The following PPP3R1 variants were observed in gnomAD, a reference collection of about 807,000 sequenced individuals.
PPP3R1 encodes the protein protein phosphatase 3 regulatory subunit B, alpha.
A neutral mutation model predicts 22.6 loss-of-function variants in PPP3R1; 5 were observed. That is an observed-to-expected ratio of 0.22 (90% CI 0.12 to 0.46). The LOEUF (loss-of-function observed/expected upper bound fraction) is 0.46. PPP3R1 is among the 20% of genes least tolerant of loss of function. The pLI is 0.99. For synonymous variants in PPP3R1, 56 were observed against 65.2 expected, an observed-to-expected ratio of 0.86 and a Z score of 0.68; for missense variants, 61 against 203.2, an observed-to-expected ratio of 0.30 and a Z score of 4.25.
In PPP3R1 at chr2:68,198,361, GTACATATA is replaced by G. The variant is rs1472161981; in HGVS notation, c.44-9679_44-9672del. On this transcript the variant is annotated intron_variant, in intron 2 of 5. Coordinates refer to ENST00000234310, the MANE Select transcript of PPP3R1 (RefSeq NM_000945.4). ...TATGTACATGTATATGCATATATAT[GTACATATA>G]TGTACATGTATATGCATATATATGT... Among the ~76,000 whole-genome samples, 4 of 96,080 alleles carry G rather than the reference GTACATATA, an allele frequency of 4.2e-5. No individual in the cohort carries two copies. The South Asian group carries it at 8.4e-4, about 20-fold the overall frequency. 63.0% of individuals were successfully genotyped at this position (96,080 alleles called of 152,430 possible). A position where few individuals can be genotyped will look rare whatever the true frequency, so the allele number is the denominator to read the frequency against.
At chr2:68,198,215 T>C (rs898277152) in intron 2 of PPP3R1, among the ~76,000 whole-genome samples, 2 of 135,232 alleles carry the variant, frequency 1.5e-5, no homozygotes, top group Non-Finnish European at 1.6e-5. Flanking sequence ...TGCATACATA[T>C]ATACATTTTA....
intron 2 of PPP3R1, among the ~76,000 whole-genome samples, chr2:68,198,253 A>G (rs147942297): frequency 7.5e-5 from 11 of 146,396 alleles, no homozygotes; most frequent in African/African-American, 1.8e-4. Context: ...ATGTACATAC[A>G]TATGTATACA....
chr2:68,247,291 A>G (rs1174363578), intron 1 of PPP3R1, among the ~76,000 whole-genome samples: 1 of 152,172 alleles, frequency 6.6e-6, no homozygotes, highest in Non-Finnish European at 1.5e-5. Context: ...TGCAAAAATA[A>G]AAATTCTCAT....
intron 1 of PPP3R1, among the ~76,000 whole-genome samples, chr2:68,231,989 G>GT (rs1460984907): frequency 6.6e-6 from 1 of 150,974 alleles, no homozygotes; most frequent in Non-Finnish European, 1.5e-5. Context: ...GCTGGGCGCC[G>GT]TGGCTCATGC....
intron 1 of PPP3R1, among the ~76,000 whole-genome samples, chr2:68,234,468 G>A (rs1669978066): frequency 6.6e-6 from 1 of 152,168 alleles, no homozygotes; most frequent in South Asian, 2.1e-4. Context: ...TAAAGCCGCA[G>A]CCATTCTGTA....
At chr2:68,249,122 A>C (rs1670289107) in intron 1 of PPP3R1, among the ~76,000 whole-genome samples, 1 of 152,168 alleles carries the variant, frequency 6.6e-6, no homozygotes, top group Non-Finnish European at 1.5e-5. Flanking sequence ...TACTACCTAT[A>C]ACAGTTGCCT....
chr2:68,218,210 A>G (rs778729891), intron 1 of PPP3R1, among the ~76,000 whole-genome samples: 6 of 152,158 alleles, frequency 3.9e-5, no homozygotes, highest in Non-Finnish European at 7.4e-5. Context: ...TAACATGGGC[A>G]TATTTAAATA....
chr2:68,190,484 T>C (rs1674642418), intron 2 of PPP3R1, among the ~76,000 whole-genome samples: 1 of 152,050 alleles, frequency 6.6e-6, no homozygotes, highest in South Asian at 2.1e-4. Flanking sequence ...GAGAAGCGCC[T>C]GAACCTGGGA....
chr2:68,232,991 A>G (rs529944941), intron 1 of PPP3R1, among the ~76,000 whole-genome samples: 1 of 152,324 alleles, frequency 6.6e-6, no homozygotes, highest in East Asian at 1.9e-4. Context: ...ATAATCTACT[A>G]TAATATACAA....
intron 1 of PPP3R1, among the ~76,000 whole-genome samples, chr2:68,242,789 G>A (rs563064810): frequency 1.3e-5 from 2 of 152,260 alleles, no homozygotes; most frequent in African/African-American, 2.4e-5. Flanking sequence ...CACTCAGGAG[G>A]ATATGAAAGA....
At chr2:68,239,657 G>C (rs1246611046) in intron 1 of PPP3R1, among the ~76,000 whole-genome samples, 1 of 152,144 alleles carries the variant, frequency 6.6e-6, no homozygotes, top group African/African-American at 2.4e-5. Flanking sequence ...ACAAGAAATA[G>C]ATGAAACTTT....
intron 1 of PPP3R1, among the ~76,000 whole-genome samples, chr2:68,249,381 C>T (rs1001378701): frequency 1.3e-5 from 2 of 150,876 alleles, no homozygotes; most frequent in Non-Finnish European, 2.9e-5. Context: ...CAGTTATAGA[C>T]GGCAATAAAT....
chr2:68,212,606 T>C (rs757533476), intron 2 of PPP3R1, among the ~76,000 whole-genome samples: 21 of 152,368 alleles, frequency 1.4e-4, no homozygotes, highest in Non-Finnish European at 2.4e-4. Flanking sequence ...GCATTGTCAA[T>C]GAGCAACAAT....
At chr2:68,230,023 G>C (rs1168121168) in intron 1 of PPP3R1, among the ~76,000 whole-genome samples, 1 of 126,778 alleles carries the variant, frequency 7.9e-6, no homozygotes, top group African/African-American at 2.8e-5. Flanking sequence ...TATATATTTG[G>C]AGACAGGCTG....
At chr2:68,223,806 CAAAAA>C (rs79743936) in intron 1 of PPP3R1, among the ~76,000 whole-genome samples, 1 of 58,538 alleles carries the variant, frequency 1.7e-5, no homozygotes, top group Non-Finnish European at 3.9e-5. Flanking sequence ...AAAGGGAAGA[CAAAAA>C]AAAAAAAAAA....
intron 1 of PPP3R1, chr2:68,251,023 C>G (rs775766920): frequency 1.3e-5 from 2 of 152,226 alleles, no homozygotes; most frequent in Non-Finnish European, 2.9e-5. Context: ...GACAACTGTT[C>G]AAAGACTTTT....
At chr2:68,215,961 T>C (rs1165724536) in intron 2 of PPP3R1, among the ~76,000 whole-genome samples, 2 of 152,194 alleles carry the variant, frequency 1.3e-5, no homozygotes, top group Non-Finnish European at 2.9e-5. Context: ...TATAAGAATG[T>C]TGTTTTATAT....
At chr2:68,229,522 G>C (rs893246917) in intron 1 of PPP3R1, among the ~76,000 whole-genome samples, 3 of 152,096 alleles carry the variant, frequency 2.0e-5, no homozygotes, top group Non-Finnish European at 1.5e-5. Flanking sequence ...TTGGACTTGT[G>C]TATTTCTCTT....
chr2:68,251,204 A>T (rs755674522), intron 1 of PPP3R1: 28 of 152,326 alleles, frequency 1.8e-4, no homozygotes, highest in Middle Eastern at 3.4e-3. Flanking sequence ...GGCGTCGTTG[A>T]TTTCTTGGCT....
Sources: gnomAD v4.1 joint callset for allele counts (sites outside exome capture counted in the v4.1 genomes callset) on GRCh38, gnomAD v4.1.1 for gene constraint, MANE v1.5 for transcripts, NCBI Gene and HGNC (gene_info 2026-07-23, HGNC 2026-07-21) for gene names.